STK24: variants seen among roughly 807,000 people sequenced by gnomAD.
STK24 encodes serine/threonine-protein kinase 24.
Under a neutral mutation model 55.6 loss-of-function variants are expected in STK24, and 21 were observed. The ratio of observed to expected loss-of-function variants is 0.38; its 90% confidence interval spans 0.27 to 0.54. The LOEUF (loss-of-function observed/expected upper bound fraction) is 0.54. STK24 is among the 20% of genes least tolerant of loss of function. The pLI, the probability that STK24 is intolerant of heterozygous loss-of-function variation, is 0.79. For missense variants in STK24, 383 were observed against 538.4 expected, an observed-to-expected ratio of 0.71 and a Z score of 2.86; for synonymous variants, 200 against 215.2, an observed-to-expected ratio of 0.93 and a Z score of 0.62.
At chr13:98,471,590 G>C (rs186770835) in intron 5 of STK24, among the ~76,000 whole-genome samples, 40 of 152,298 alleles carry the variant, frequency 2.6e-4, no homozygotes, top group African/African-American at 9.4e-4. Context: ...ACTTAGTAAT[G>C]TCATGCTTAG....
intron 1 of STK24, among the ~76,000 whole-genome samples, chr13:98,522,720 T>C (rs1478229669): frequency 1.3e-5 from 2 of 152,200 alleles, no homozygotes; most frequent in Non-Finnish European, 2.9e-5. Flanking sequence ...TCAGGGGCTG[T>C]GTCTCACGCA....
Position 98,448,291 on chromosome 13 carries a change from A to T in STK24, c.*4882T>A, listed in dbSNP as rs1419957820. 6.2e-7 allele frequency: 1 copy of T among 1,614,018 alleles called. No individual in the cohort carries two copies. The highest frequency in any genetic ancestry group is 8.5e-7 in the Non-Finnish European group (1 of 1,179,850). ...CTCTGCCTCGCGACCCCACGTGTTG[A>T]GTCACAAAGAGTCTCTTGTGTATTG... On this transcript the variant is annotated 3_prime_UTR_variant, in exon 11 of 11. Transcript: ENST00000539966.
At chr13:98,557,320 T>C (rs143117417) in intron 1 of STK24, among the ~76,000 whole-genome samples, 256 of 152,310 alleles carry the variant, frequency 1.7e-3, no homozygotes, top group African/African-American at 6.0e-3. Flanking sequence ...CTGCCCACAA[T>C]CCACTCATCT....
intron 1 of STK24, among the ~76,000 whole-genome samples, chr13:98,524,167 G>C (rs777896280): frequency 3.9e-5 from 6 of 152,076 alleles, no homozygotes; most frequent in Non-Finnish European, 8.8e-5. Flanking sequence ...GAACCCTGGG[G>C]ACCGGAAGGC....
chr13:98,538,586 C>T (rs1202747661), intron 1 of STK24, among the ~76,000 whole-genome samples: 4 of 152,202 alleles, frequency 2.6e-5, no homozygotes, highest in African/African-American at 9.6e-5. Context: ...TCTTCTGCTC[C>T]AAGGGGAGTT....
intron 1 of STK24, among the ~76,000 whole-genome samples, chr13:98,522,355 C>A (rs1231583734): frequency 6.6e-6 from 1 of 152,140 alleles, no homozygotes; most frequent in Non-Finnish European, 1.5e-5. Flanking sequence ...CAAACCTGCC[C>A]GAACAGAACC....
At chr13:98,496,971 C>T in intron 2 of STK24, among the ~76,000 whole-genome samples, 1 of 152,218 alleles carries the variant, frequency 6.6e-6, no homozygotes, top group East Asian at 1.9e-4. Flanking sequence ...CTACTCTCCC[C>T]CTCCAAGTTT....
chr13:98,446,562 G>T lies in STK24; in HGVS notation c.*6611C>A. 1.6e-6 allele frequency: 2 copies of T among 1,230,506 alleles called. No individual in the cohort carries two copies. The highest frequency in any genetic ancestry group is 2.3e-6 in the Non-Finnish European group (2 of 855,254). The allele number at this position is 1,230,506 out of a possible 1,614,324, so 76.2% of individuals were successfully genotyped here. ...CCTTCCAGGCCCACGCCCGAGGAGG[G>T]AGCTGCCTGGGCTCCCAAGTCCCTG... On this transcript the variant is annotated 3_prime_UTR_variant, in exon 11 of 11. Transcript: ENST00000539966.
chr13:98,562,443 A>G (rs1338208189), intron 1 of STK24, among the ~76,000 whole-genome samples: 1 of 152,208 alleles, frequency 6.6e-6, no homozygotes, highest in Non-Finnish European at 1.5e-5. Flanking sequence ...GGCCCTTACT[A>G]TCACAAGTCC....
chr13:98,445,919 T>G lies in STK24; in HGVS notation c.*7254A>C. 2 of 552,306 alleles carry G rather than the reference T, an allele frequency of 3.6e-6. No homozygotes were observed. The highest frequency in any genetic ancestry group is 3.2e-6 in the Non-Finnish European group (1 of 308,520). 34.2% of individuals were successfully genotyped at this position (552,306 alleles called of 1,614,324 possible). On this transcript the variant is annotated 3_prime_UTR_variant, in exon 11 of 11. Transcript: ENST00000539966. ...CACAGCAAGTGACAAGGGGAAGTGA[T>G]GAGATCAGGGTCCCAGGACCTGCCA...
At chr13:98,552,853 G>C (rs1897189414) in intron 1 of STK24, among the ~76,000 whole-genome samples, 1 of 152,192 alleles carries the variant, frequency 6.6e-6, no homozygotes, top group Admixed American at 6.5e-5. Context: ...TTTCCAGGCA[G>C]TGGAACTATC....
chr13:98,535,536 C>T (rs529637378), intron 1 of STK24, among the ~76,000 whole-genome samples: 1 of 152,190 alleles, frequency 6.6e-6, no homozygotes, highest in African/African-American at 2.4e-5. Flanking sequence ...AAAACATACC[C>T]AGTGTACAAA....
At position 98,446,776 on chromosome 13, in the gene STK24, C is replaced by G; in HGVS notation, c.*6397G>C. 1.2e-6 allele frequency: 2 copies of G among 1,614,218 alleles called. No individual in the cohort carries two copies. Among genetic ancestry groups the G allele is most frequent in the Non-Finnish European group, 8.5e-7 (1 of 1,180,038 alleles). ...TGTTCAAGCTGCACTTCAAGTCCCA[C>G]GTCTACTACTTCAGGGCGGAAAGCG... is the stretch of plus-strand genomic sequence containing the variant. On this transcript the variant is annotated 3_prime_UTR_variant, in exon 11 of 11. Transcript: ENST00000539966.
intron 2 of STK24, among the ~76,000 whole-genome samples, chr13:98,498,145 C>A (rs1036791410): frequency 1.3e-5 from 2 of 152,190 alleles, no homozygotes; most frequent in Admixed American, 1.3e-4. Context: ...ATTGTTTGAA[C>A]TGTTGATAGA....
intron 2 of STK24, among the ~76,000 whole-genome samples, chr13:98,486,099 C>T (rs7322911): frequency 0.32 from 48,123 of 151,790 alleles, 8,185 homozygotes; most frequent in African/African-American, 0.44. Context: ...GAGAAATACC[C>T]AATGTAGATG....
chr13:98,534,859 G>A (rs763119838), intron 1 of STK24, among the ~76,000 whole-genome samples: 2 of 152,178 alleles, frequency 1.3e-5, no homozygotes, highest in Non-Finnish European at 2.9e-5. Context: ...TTTCAGAGAG[G>A]CTGATTTGAG....
At chr13:98,506,977 G>A (rs1035922274) in intron 2 of STK24, among the ~76,000 whole-genome samples, 7 of 152,176 alleles carry the variant, frequency 4.6e-5, no homozygotes, top group African/African-American at 1.7e-4. Context: ...CTGGACACAT[G>A]CAAAGGGCGT....
intron 1 of STK24, among the ~76,000 whole-genome samples, chr13:98,551,285 CA>C (rs35925473): frequency 0.023 from 2,694 of 119,618 alleles, 94 homozygotes; most frequent in African/African-American, 0.069. Context: ...GACTCTGTCT[CA>C]AAAAAAAAAA....
In STK24 at chr13:98,555,635, T is replaced by A. The variant is rs560062211; in HGVS notation, c.42+21110A>T. ...TCACTCTCAACAGAAAACTCCTGAT[T>A]GGTTTTAACCAATTAAAAACGTCCT... On this transcript the variant is annotated intron_variant, in intron 1 of 10. Transcript: ENST00000539966. 5.9e-5 allele frequency among the ~76,000 whole-genome samples: 9 copies of A among 151,660 alleles called. No homozygotes were observed. In the South Asian group the frequency reaches 1.9e-3, roughly 32 times the overall value.
Sources: gnomAD v4.1 joint callset for allele counts (sites outside exome capture counted in the v4.1 genomes callset) on GRCh38, gnomAD v4.1.1 for gene constraint, MANE v1.5 for transcripts, NCBI Gene and HGNC (gene_info 2026-07-23, HGNC 2026-07-21) for gene names.